SP4: variants seen among roughly 807,000 people sequenced by gnomAD.
The protein encoded by SP4 is Sp4 transcription factor.
Under a neutral mutation model 72.8 loss-of-function variants are expected in SP4, and 19 were observed. The observed-to-expected ratio is 0.26, with a 90% confidence interval of 0.18 to 0.38. The LOEUF (loss-of-function observed/expected upper bound fraction) is 0.38. Among genes scored for constraint, SP4 ranks in the 10% least tolerant of loss-of-function variants. The probability of loss-of-function intolerance (pLI) is 1.00; values close to 1 mark genes in which losing one functional copy is unlikely to be tolerated. For synonymous variants in SP4, 395 were observed against 333.1 expected (o/e 1.19, Z -2.02); for missense variants, 1,008 against 926.3 (o/e 1.09, Z -1.14).
chr7:21,505,099 G>T (rs1379304672), intron 5 of SP4, among the ~76,000 whole-genome samples: 1 of 152,188 alleles, frequency 6.6e-6, no homozygotes, highest in Non-Finnish European at 1.5e-5. Flanking sequence ...TCTTCTTTTA[G>T]TAACTTGATA....
At chr7:21,429,048 A>G (rs567022394) in intron 2 of SP4, 23 of 580,128 alleles carry the variant, frequency 4.0e-5, no homozygotes, top group African/African-American at 3.2e-4. Context: ...GTTTAGGAAC[A>G]TAACACTTTA....
At chr7:21,462,248 T>C (rs1447528084) in intron 3 of SP4, among the ~76,000 whole-genome samples, 1 of 152,026 alleles carries the variant, frequency 6.6e-6, no homozygotes, top group Non-Finnish European at 1.5e-5. Context: ...TAGTTTTGTT[T>C]TTTAACAGAC....
At chr7:21,484,792 A>G (rs1325325959) in intron 5 of SP4, among the ~76,000 whole-genome samples, 1 of 151,888 alleles carries the variant, frequency 6.6e-6, no homozygotes, top group African/African-American at 2.4e-5. Context: ...CTAAGAAATG[A>G]TGAGTTGGTA....
At chr7:21,494,994 AAGT>A (rs1370280202) in intron 5 of SP4, among the ~76,000 whole-genome samples, 2 of 152,174 alleles carry the variant, frequency 1.3e-5, no homozygotes, top group Admixed American at 6.5e-5. Flanking sequence ...AGTAAAGAAA[AAGT>A]AGCGTTTTCA....
chr7:21,466,179 G>A (rs910385013), intron 3 of SP4, among the ~76,000 whole-genome samples: 7 of 152,072 alleles, frequency 4.6e-5, no homozygotes, highest in East Asian at 1.9e-4. Context: ...CTACAGGTGA[G>A]GGCTTCTGGT....
At chr7:21,505,033 G>A (rs750794712) in intron 5 of SP4, among the ~76,000 whole-genome samples, 2 of 152,206 alleles carry the variant, frequency 1.3e-5, no homozygotes, top group African/African-American at 2.4e-5. Context: ...ATGAGGGCCC[G>A]CTTTAGCTCT....
chr7:21,449,346 A>G (rs1405896165), intron 3 of SP4, among the ~76,000 whole-genome samples: 2 of 152,198 alleles, frequency 1.3e-5, no homozygotes, highest in East Asian at 1.9e-4. Context: ...GGGAACTGTA[A>G]CAAACTTATC....
At chr7:21,480,463 G>A (rs758795833) in intron 4 of SP4, among the ~76,000 whole-genome samples, 9 of 152,110 alleles carry the variant, frequency 5.9e-5, no homozygotes, top group Non-Finnish European at 1.2e-4. Flanking sequence ...ATTTTGGTCC[G>A]TATTTTTCTA....
In SP4 at chr7:21,430,413, C is replaced by A. The variant is rs142404357; in HGVS notation, c.1248C>A (p.Ile416=). ...AGATCCAACAGCCTCAGCAACAGAT[C>A]ATTCAGGCTATTCCACCACAGTCGT... The part of the protein sequence containing the change: ...QIQIQQPQQQ[I]IQAIPPQSFQ... Residue 416 remains isoleucine, a synonymous_variant, in exon 3 of 6, where the codon ATC becomes ATA. Coordinates refer to ENST00000222584, the MANE Select transcript of SP4 (RefSeq NM_003112.5). 14 of 1,614,088 alleles carry A rather than the reference C, an allele frequency of 8.7e-6. No individual in the cohort carries two copies. The highest frequency in any genetic ancestry group is 1.1e-5 in the Non-Finnish European group (13 of 1,180,054).
chr7:21,451,435 A>T (rs986577267), intron 3 of SP4, among the ~76,000 whole-genome samples: 1 of 152,142 alleles, frequency 6.6e-6, no homozygotes, highest in Non-Finnish European at 1.5e-5. Flanking sequence ...TACCTACTGT[A>T]ACATTTCCTC....
At chr7:21,472,120 C>G (rs569486429) in intron 3 of SP4, among the ~76,000 whole-genome samples, 17 of 152,252 alleles carry the variant, frequency 1.1e-4, no homozygotes, top group African/African-American at 3.4e-4. Flanking sequence ...GAGTATGACA[C>G]TTCTGAGTGG....
At chr7:21,439,109 C>G (rs1250754284) in intron 3 of SP4, among the ~76,000 whole-genome samples, 3 of 152,174 alleles carry the variant, frequency 2.0e-5, no homozygotes, top group Non-Finnish European at 4.4e-5. Flanking sequence ...ATATTCCCCC[C>G]TCTGATAAGG....
intron 3 of SP4, among the ~76,000 whole-genome samples, chr7:21,432,882 G>A (rs543296335): frequency 3.0e-4 from 45 of 152,158 alleles, no homozygotes; most frequent in Non-Finnish European, 4.3e-4. Context: ...TGGTCTCAGC[G>A]TCTTGGGAGG....
At chr7:21,473,545 C>G (rs1333575112) in intron 3 of SP4, among the ~76,000 whole-genome samples, 1 of 151,986 alleles carries the variant, frequency 6.6e-6, no homozygotes, top group African/African-American at 2.4e-5. Context: ...AGGTGAAGAC[C>G]AAATTATAAA....
intron 3 of SP4, among the ~76,000 whole-genome samples, chr7:21,447,504 A>G (rs919895367): frequency 2.6e-5 from 4 of 152,220 alleles, no homozygotes; most frequent in Non-Finnish European, 5.9e-5. Flanking sequence ...CTAATATTCT[A>G]GAAGGTGAAG....
chr7:21,463,650 T>A (rs1784071218), intron 3 of SP4, among the ~76,000 whole-genome samples: 1 of 152,170 alleles, frequency 6.6e-6, no homozygotes, highest in Non-Finnish European at 1.5e-5. Flanking sequence ...ATATCGTGGT[T>A]GGAGAAGAGA....
In SP4 at chr7:21,428,212, C is replaced by G; in HGVS notation, c.-40C>G. ...CGCCCCCACCCCCACCCACCTCTAT[C>G]CCAGTGTCTCCGTCTGAGGGTTTGT... On this transcript the variant is annotated 5_prime_UTR_variant, in exon 1 of 6. It adds an upstream start codon to the 5' untranslated region. Coordinates refer to ENST00000222584, the MANE Select transcript of SP4 (RefSeq NM_003112.5). The G allele has an allele frequency of 1.4e-6, 1 of 721,876 alleles. No individual in the cohort carries two copies. Among genetic ancestry groups the G allele is most frequent in the Non-Finnish European group, 2.1e-6 (1 of 465,392 alleles). The allele number at this position is 721,876 out of a possible 1,614,324, so 44.7% of individuals were successfully genotyped here. A position where few individuals can be genotyped will look rare whatever the true frequency, so the allele number is the denominator to read the frequency against.
intron 3 of SP4, among the ~76,000 whole-genome samples, chr7:21,447,389 T>A (rs1783461426): frequency 6.6e-6 from 1 of 152,228 alleles, no homozygotes; most frequent in South Asian, 2.1e-4. Flanking sequence ...CCTTATGACT[T>A]GGACTTCTGG....
intron 5 of SP4, among the ~76,000 whole-genome samples, chr7:21,506,110 G>A (rs1380111053): frequency 6.6e-6 from 1 of 152,112 alleles, no homozygotes; most frequent in African/African-American, 2.4e-5. Context: ...AACAAGTGAC[G>A]CCTCAATTTG....
Sources: gnomAD v4.1 joint callset for allele counts (sites outside exome capture counted in the v4.1 genomes callset) on GRCh38, gnomAD v4.1.1 for gene constraint, MANE v1.5 for transcripts, NCBI Gene and HGNC (gene_info 2026-07-23, HGNC 2026-07-21) for gene names.